The following CACNA1C variants were observed in gnomAD, a reference collection of about 807,000 sequenced individuals.
CACNA1C encodes the protein calcium voltage-gated channel subunit alpha1 C.
In CACNA1C, 30 loss-of-function variants were observed where a neutral mutation model predicts 229.0. The ratio of observed to expected loss-of-function variants is 0.13; its 90% CI spans 0.10 to 0.18. The LOEUF (loss-of-function observed/expected upper bound fraction) is 0.18. Ranked by LOEUF, CACNA1C falls within the 10% of genes least tolerant of loss-of-function variation. CACNA1C has a pLI of 1.00. For missense variants in CACNA1C, 1,658 were observed against 2,845.0 expected (o/e 0.58, Z 9.49); for synonymous variants, 1,114 against 1,132.5 (o/e 0.98, Z 0.33).
At chr12:2,112,048 G>C (rs1239179593) in intron 1 of CACNA1C, among the ~76,000 whole-genome samples, 1 of 152,208 alleles carries the variant, frequency 6.6e-6, no homozygotes, top group Non-Finnish European at 1.5e-5. Context: ...ACATGTGTGC[G>C]TGCATGTGGA....
rs368867004 is a variant in CACNA1C at position 2,679,834 on chromosome 12, G to A, written c.5444+38G>A. On this transcript the variant is annotated intron_variant, in intron 42 of 46. Coordinates refer to ENST00000399655, the MANE Select transcript of CACNA1C (RefSeq NM_000719.7). This position sits in a 1 kb window ranked among gnomAD's most constrained non-coding sequence, Gnocchi z 5.5. Reference sequence around the variant, plus strand: ...CTGGCCACCCCAGGCGGCACACAGGGCCCACGTGCTGCAACCCTCAGGAGA... The same window carrying A: ...CTGGCCACCCCAGGCGGCACACAGGACCCACGTGCTGCAACCCTCAGGAGA... The A allele has an allele frequency of 3.3e-4, 460 of 1,404,948 alleles. No homozygotes were observed. The highest frequency in any genetic ancestry group is 4.4e-4 in the Non-Finnish European group (454 of 1,027,240). The allele number at this position is 1,404,948 out of a possible 1,614,324, so 87.0% of individuals were successfully genotyped here. A position where few individuals can be genotyped will look rare whatever the true frequency, so the allele number is the denominator to read the frequency against.
At chr12:2,080,669 T>C (rs191847807) in intron 1 of CACNA1C, among the ~76,000 whole-genome samples, 81 of 151,920 alleles carry the variant, frequency 5.3e-4, no homozygotes, top group Non-Finnish European at 8.5e-4. Flanking sequence ...TAGTGCTATA[T>C]GAAAAAGGAG....
chr12:2,585,582 A>G lies in CACNA1C; in HGVS notation c.2460+86A>G. On this transcript the variant is annotated intron_variant, in intron 17 of 46. Transcript: ENST00000399655. This position sits in a 1 kb window ranked among gnomAD's most constrained non-coding sequence, Gnocchi z 4.1. ...CTTCCCAGGCCAGAACCCTGTGGAG[A>G]AGAGGAGAGAAAGAAAGACACCCAG... 7.0e-7 allele frequency: 1 copy of G among 1,419,578 alleles called. No homozygotes were observed. The highest frequency in any genetic ancestry group is 1.5e-5 in the South Asian group (1 of 67,542). The allele number at this position is 1,419,578 out of a possible 1,614,324, so 87.9% of individuals were successfully genotyped here.
At chr12:2,657,790 AC>A (rs2095498193) in intron 34 of CACNA1C, among the ~76,000 whole-genome samples, 1 of 152,204 alleles carries the variant, frequency 6.6e-6, no homozygotes, top group Non-Finnish European at 1.5e-5. Flanking sequence ...AAAAACGAAT[AC>A]CATGTAAGGC....
Position 2,677,351 on chromosome 12 carries a change from TC to T in CACNA1C, c.4956+132del. 1.0e-6 allele frequency: 1 copy of T among 997,058 alleles called. No individual in the cohort carries two copies. The highest frequency in any genetic ancestry group is 1.4e-6 in the Non-Finnish European group (1 of 693,298). The allele number at this position is 997,058 out of a possible 1,614,324, so 61.8% of individuals were successfully genotyped here. A position where few individuals can be genotyped will look rare whatever the true frequency, so the allele number is the denominator to read the frequency against. ...CTGCAGAGGGAACCTTTCAGAGAGCTCCAGACCTTTCCAAAGATGGCTGTGA... is the reference window on the plus strand; with the variant it reads ...CTGCAGAGGGAACCTTTCAGAGAGCTCAGACCTTTCCAAAGATGGCTGTGA... On this transcript the variant is annotated intron_variant, in intron 40 of 46. Transcript: ENST00000399655. The surrounding 1 kb of genome is among the most constrained non-coding windows in gnomAD (Gnocchi z 7.4).
chr12:2,123,158 T>C (rs141493019), intron 3 of CACNA1C, among the ~76,000 whole-genome samples: 1,724 of 152,130 alleles, frequency 0.011, 23 homozygotes, highest in Middle Eastern at 0.031. Flanking sequence ...AGGTGGATCA[T>C]GAGGTCAGGA....
At chr12:2,416,134 G>A (rs1336377240) in intron 3 of CACNA1C, among the ~76,000 whole-genome samples, 3 of 152,170 alleles carry the variant, frequency 2.0e-5, no homozygotes, top group African/African-American at 7.2e-5. Context: ...CTCAGCCCTG[G>A]TTGTTTTCCT....
In CACNA1C at chr12:2,654,183, T is replaced by A. The variant is rs1444484317; in HGVS notation, c.4140+283T>A. On this transcript the variant is annotated intron_variant, in intron 33 of 46. Transcript: ENST00000399655. The surrounding 1 kb of genome is among the most constrained non-coding windows in gnomAD (Gnocchi z 4.4). Reference sequence around the variant, plus strand: ...TCTGCTCTTGGTAGAGGAAAGACACTCTCCAGTTATGCAAGGGGCCTCGGG... The same window carrying A: ...TCTGCTCTTGGTAGAGGAAAGACACACTCCAGTTATGCAAGGGGCCTCGGG... Among the ~76,000 whole-genome samples, 2 of 152,074 alleles carry A rather than the reference T, an allele frequency of 1.3e-5. No individual in the cohort carries two copies. Among genetic ancestry groups the A allele is most frequent in the Non-Finnish European group, 2.9e-5 (2 of 67,992 alleles).
chr12:2,362,616 C>T (rs954991407), intron 3 of CACNA1C, among the ~76,000 whole-genome samples: 3 of 152,150 alleles, frequency 2.0e-5, no homozygotes, highest in Admixed American at 6.5e-5. Flanking sequence ...AGCAGAGCCC[C>T]GTTCTGATCG....
intron 29 of CACNA1C, among the ~76,000 whole-genome samples, chr12:2,629,305 TCC>T (rs1491091599): frequency 3.1e-4 from 7 of 22,720 alleles, no homozygotes; most frequent in South Asian, 1.8e-3. Flanking sequence ...AGTCATCCCA[TCC>T]CTTTTCCCAC....
intron 3 of CACNA1C, among the ~76,000 whole-genome samples, chr12:2,396,424 T>C (rs2098579154): frequency 6.6e-6 from 1 of 152,162 alleles, no homozygotes; most frequent in African/African-American, 2.4e-5. Flanking sequence ...TTTTTCTCTT[T>C]CTGTGGTTGG....
chr12:2,657,997 AACACAC>A (rs111747868), intron 34 of CACNA1C, among the ~76,000 whole-genome samples: 1 of 151,236 alleles, frequency 6.6e-6, no homozygotes, highest in African/African-American at 2.4e-5. Context: ...GTATAAGGAG[AACACAC>A]ACACACACAC....
intron 45 of CACNA1C, among the ~76,000 whole-genome samples, chr12:2,687,537 A>T (rs938238901): frequency 1.6e-4 from 23 of 139,610 alleles, no homozygotes; most frequent in African/African-American, 6.3e-4. Flanking sequence ...GTACCGTGTG[A>T]CTTTTTTTTT....
rs138257153 is a variant in CACNA1C at position 2,415,398 on chromosome 12, C to T, written c.478-33578C>T. ...CAAGCCTCCCGTGGAGGCCGCGCAGCGCCCCTGTAGTGCCCCATGGCAGCA... is the reference window on the plus strand; with the variant it reads ...CAAGCCTCCCGTGGAGGCCGCGCAGTGCCCCTGTAGTGCCCCATGGCAGCA... On this transcript the variant is annotated intron_variant, in intron 3 of 46. Transcript: ENST00000399655. 4.5e-4 allele frequency among the ~76,000 whole-genome samples: 68 copies of T among 152,268 alleles called. No individual in the cohort carries two copies. In the East Asian group the frequency reaches 0.012, roughly 26 times the overall value.
chr12:2,624,143 T>A (rs544066528), intron 29 of CACNA1C, among the ~76,000 whole-genome samples: 1 of 152,292 alleles, frequency 6.6e-6, no homozygotes, highest in South Asian at 2.1e-4. Context: ...TTGTTTTGTG[T>A]CATTGGTTTT....
In CACNA1C at chr12:2,067,256, C is replaced by A. The variant is rs922308000; in HGVS notation, c.49+13645C>A. On this transcript the variant is annotated intron_variant, in intron 1 of 46. Transcript: ENST00000399655. This position sits in a 1 kb window ranked among gnomAD's most constrained non-coding sequence, Gnocchi z 5.3. ...TTAGTGGGAGTCAGGGAGTCTGAATCCCCCAGCCTGCCTCCATCCCAGGTG... is the reference window on the plus strand; with the variant it reads ...TTAGTGGGAGTCAGGGAGTCTGAATACCCCAGCCTGCCTCCATCCCAGGTG... 6.6e-6 allele frequency among the ~76,000 whole-genome samples: 1 copy of A among 151,998 alleles called. No homozygotes were observed. Among genetic ancestry groups the A allele is most frequent in the Admixed American group, 6.6e-5 (1 of 15,258 alleles).
At chr12:2,014,375 G>C (rs2044966015) in intron 1 of CACNA1C, among the ~76,000 whole-genome samples, 1 of 152,004 alleles carries the variant, frequency 6.6e-6, no homozygotes, top group South Asian at 2.1e-4. Flanking sequence ...CCATGGAGTA[G>C]GTAGCAAGTA....
At chr12:2,125,854 C>T (rs368865315) in intron 3 of CACNA1C, among the ~76,000 whole-genome samples, 1 of 152,168 alleles carries the variant, frequency 6.6e-6, no homozygotes. Context: ...AGACGACACA[C>T]GTCAACTGCT....
chr12:2,607,241 T>C, intron 26 of CACNA1C, 111 bp downstream of exon 26: 8 of 1,123,576 alleles, frequency 7.1e-6, no homozygotes, highest in Non-Finnish European at 8.8e-6. Flanking sequence ...GGAGGTCATA[T>C]TTACCTGGGT....
Sources: gnomAD v4.1 joint callset for allele counts (sites outside exome capture counted in the v4.1 genomes callset) on GRCh38, gnomAD v4.1.1 for gene constraint, Gnocchi (gnomAD v3.1) non-coding constraint, MANE v1.5 for transcripts, NCBI Gene and HGNC (gene_info 2026-07-23, HGNC 2026-07-21) for gene names.